ZIC5: variants seen among roughly 807,000 people sequenced by gnomAD.
ZIC5 encodes Zic family zinc finger 5, also known as zinc finger protein ZIC 5.
Under a neutral mutation model 28.5 loss-of-function variants are expected in ZIC5, and 20 were observed. That is an observed-to-expected ratio of 0.70 (90% confidence interval 0.49 to 1.02). The LOEUF is 1.02. Among genes scored for constraint, ZIC5 ranks in the 50% least tolerant of loss-of-function variants. The pLI, the probability that ZIC5 is intolerant of heterozygous loss-of-function variation, is 0.00. For missense variants in ZIC5, 951 were observed against 899.7 expected (o/e 1.06, Z -0.73); for synonymous variants, 488 against 410.4 (o/e 1.19, Z -2.29).
In ZIC5 at chr13:99,971,689, G is replaced by T; in HGVS notation, c.-86C>A. 2 of 1,552,150 alleles carry T rather than the reference G, an allele frequency of 1.3e-6. No homozygotes were observed. The highest frequency in any genetic ancestry group is 8.7e-7 in the Non-Finnish European group (1 of 1,147,408). ...CTTCAAAAACATGTATGTATTGGGC[G>T]CTCTTTAACTTCTTTTGTCCTGGCC... On this transcript the variant is annotated 5_prime_UTR_variant, in exon 1 of 2. Transcript: ENST00000267294.
In ZIC5 at chr13:99,965,614, G is replaced by A; in HGVS notation, c.1683C>T (p.Pro561=). The stretch of plus-strand genomic sequence containing the variant: ...GAGTCCCCACTGATGAGTAACCAAG[G>A]GGTCCTGGAGAAGGTGGCGGGGACT... ...HCKSPPPSPG[P]LGYSSVGTPV... The change falls in exon 2 of 2, where the codon CCC becomes CCT. Residue 561 remains proline (P), a synonymous_variant. Coordinates refer to ENST00000267294, the MANE Select transcript of ZIC5 (RefSeq NM_033132.5). 1.2e-6 allele frequency: 2 copies of A among 1,614,126 alleles called. No individual in the cohort carries two copies. Among genetic ancestry groups the A allele is most frequent in the Non-Finnish European group, 1.7e-6 (2 of 1,180,024 alleles).
chr13:99,968,151 C>A (rs2053114656), intron 1 of ZIC5, among the ~76,000 whole-genome samples: 1 of 152,206 alleles, frequency 6.6e-6, no homozygotes, highest in Non-Finnish European at 1.5e-5. Context: ...TCCCGGATAA[C>A]CCCCAAAAGG....
intron 1 of ZIC5, among the ~76,000 whole-genome samples, chr13:99,966,474 A>G (rs1010242855): frequency 1.3e-5 from 2 of 151,954 alleles, no homozygotes; most frequent in Admixed American, 1.3e-4. Flanking sequence ...TACTCCCACC[A>G]CTCGATTTTT....
Position 99,971,579 on chromosome 13 carries a change from T to C in ZIC5, c.25A>G (p.Asn9Asp). 1 of 1,553,888 alleles carries C rather than the reference T, an allele frequency of 6.4e-7. No individual in the cohort carries two copies. The highest frequency in any genetic ancestry group is 1.2e-5 in the South Asian group (1 of 84,248). MEPPLSKRNPPALRLADLA... is the reference protein window; with the variant it reads MEPPLSKRDPPALRLADLA... ...TCCGCTAATCTCAGCGCTGGCGGGT[T>C]CCTCTTGCTCAAAGGGGGCTCCATC... The change falls in exon 1 of 2, where the codon AAC becomes GAC. Residue 9 changes from asparagine to aspartate, a missense_variant. Transcript: ENST00000267294.
At chr13:99,969,778 C>T (rs868203127) in intron 1 of ZIC5, among the ~76,000 whole-genome samples, 54 of 152,264 alleles carry the variant, frequency 3.5e-4, no homozygotes, top group African/African-American at 1.2e-3. Flanking sequence ...CCGTCCTGGG[C>T]GCCTTCCTGC....
At chr13:99,969,661 G>T (rs2053130844) in intron 1 of ZIC5, among the ~76,000 whole-genome samples, 1 of 152,068 alleles carries the variant, frequency 6.6e-6, no homozygotes, top group Non-Finnish European at 1.5e-5. Flanking sequence ...CGGAGACTGC[G>T]CGGGGCCTAC....
rs1417708106 is a variant in ZIC5 at position 99,970,830 on chromosome 13, G to A, written c.774C>T (p.Arg258=). 61 of 1,232,566 alleles carry A rather than the reference G, an allele frequency of 4.9e-5. No individual in the cohort carries two copies. The highest frequency in any genetic ancestry group is 5.8e-5 in the Non-Finnish European group (58 of 993,222). 76.4% of individuals were successfully genotyped at this position (1,232,566 alleles called of 1,614,324 possible). A position where few individuals can be genotyped will look rare whatever the true frequency, so the allele number is the denominator to read the frequency against. ...GHPHPLNGQM[R]LGLAAAAAAA... ...CTGCCGCTGCCGCCGCCAGCCCCAG[G>A]CGCATCTGGCCGTTGAGCGGGTGCG... The change falls in exon 1 of 2, where the codon CGC becomes CGT. Residue 258 remains arginine (R), a synonymous_variant. Transcript: ENST00000267294.
At chr13:99,965,855 T>A in intron 1 of ZIC5, 36 bp from the exon 2 acceptor site, 1 of 1,575,310 alleles carries the variant, frequency 6.3e-7, no homozygotes, top group Non-Finnish European at 8.6e-7. Context: ...ACAATGGCTT[T>A]CCAAGACCCC....
rs2053086923 is a variant in ZIC5, at chr13:99,965,021, G to GTATATATATATATATATATATGTATATA, written c.*355_*356insTATATACATATATATATATATATATATA. 1 of 136,072 alleles carries GTATATATATATATATATATATGTATATA rather than the reference G, an allele frequency of 7.3e-6. No homozygotes were observed. Among genetic ancestry groups the GTATATATATATATATATATATGTATATA allele is most frequent in the African/African-American group, 2.7e-5 (1 of 36,644 alleles). 8.4% of individuals were successfully genotyped at this position (136,072 alleles called of 1,614,324 possible). The stretch of plus-strand genomic sequence containing the variant: ...TAAAAAAAATAATATATATATATAT[G>GTATATATATATATATATATATGTATATA]TATATATATATATATATATATATTG... On this transcript the variant is annotated 3_prime_UTR_variant, in exon 2 of 2. Transcript: ENST00000267294.
Position 99,971,521 on chromosome 13 carries a change from T to C in ZIC5, c.83A>G (p.Asn28Ser). The change falls in exon 1 of 2, where the codon AAT becomes AGT. Residue 28 changes from asparagine to serine, a missense_variant. This residue lies in a region of ZIC5 where 784 missense variants were observed against 660.1 expected (regional missense o/e 1.19). Transcript: ENST00000267294. ...LATAQVQPLQ[N>S]MTGFPALAGP... ...GGCCAGCGCCGGGAAGCCTGTCATATTCTGAAGCGGCTGGACCTGAGCCGT... is the reference window on the plus strand; with the variant it reads ...GGCCAGCGCCGGGAAGCCTGTCATACTCTGAAGCGGCTGGACCTGAGCCGT... The C allele has an allele frequency of 6.4e-7, 1 of 1,551,964 alleles. No homozygotes were observed. The highest frequency in any genetic ancestry group is 2.4e-5 in the East Asian group (1 of 40,986).
chr13:99,970,028 T>A, intron 1 of ZIC5, 99 bp downstream of exon 1: 5 of 1,553,200 alleles, frequency 3.2e-6, no homozygotes, highest in East Asian at 2.3e-5. Flanking sequence ...GAGAAAAAAA[T>A]TAAGGCGAGC....
rs2053071123 is a variant in ZIC5, at chr13:99,963,333, A to G, written c.*2044T>C. On this transcript the variant is annotated 3_prime_UTR_variant, in exon 2 of 2. Transcript: ENST00000267294. ...ACATAAATTATCCCCCCAAAAGTTCATACCTTTTCTATTTGAAAGGGCTTT... is the reference window on the plus strand; with the variant it reads ...ACATAAATTATCCCCCCAAAAGTTCGTACCTTTTCTATTTGAAAGGGCTTT... 6.6e-6 allele frequency: 1 copy of G among 152,630 alleles called. No individual in the cohort carries two copies. The highest frequency in any genetic ancestry group is 1.5e-5 in the Non-Finnish European group (1 of 68,026). 9.5% of individuals were successfully genotyped at this position (152,630 alleles called of 1,614,324 possible).
chr13:99,971,523 C>A lies in ZIC5; in HGVS notation c.81G>T (p.Gln27His), dbSNP rs2053160041. ...CCAGCGCCGGGAAGCCTGTCATATTCTGAAGCGGCTGGACCTGAGCCGTTG... is the reference window on the plus strand; with the variant it reads ...CCAGCGCCGGGAAGCCTGTCATATTATGAAGCGGCTGGACCTGAGCCGTTG... ...DLATAQVQPL[Q>H]NMTGFPALAG... is the part of the protein sequence containing the mutation. Residue 27 changes from glutamine to histidine, a missense_variant, in exon 1 of 2, where the codon CAG becomes CAT. By Grantham distance (24) the Gln-to-His change is conservative. Around this residue, in one of 3 missense-constraint regions of ZIC5, gnomAD observed 784 missense variants for 660.1 expected, o/e 1.19. Coordinates refer to ENST00000267294, the MANE Select transcript of ZIC5 (RefSeq NM_033132.5). 1.0e-5 allele frequency: 16 copies of A among 1,551,960 alleles called. No homozygotes were observed. Among genetic ancestry groups the A allele is most frequent in the Non-Finnish European group, 1.3e-5 (15 of 1,147,166 alleles).
In ZIC5 at chr13:99,970,832, G is replaced by C; in HGVS notation, c.772C>G (p.Arg258Gly). ...GCCGCTGCCGCCGCCAGCCCCAGGC[G>C]CATCTGGCCGTTGAGCGGGTGCGGG... ...GHPHPLNGQM[R>G]LGLAAAAAAA... The change falls in exon 1 of 2, where the codon CGC (arginine) becomes GGC (glycine). Residue 258 changes from arginine to glycine, a missense_variant. Coordinates refer to ENST00000267294, the MANE Select transcript of ZIC5 (RefSeq NM_033132.5). 3.2e-6 allele frequency: 4 copies of C among 1,234,320 alleles called. No homozygotes were observed. Among genetic ancestry groups the C allele is most frequent in the Non-Finnish European group, 4.0e-6 (4 of 993,956 alleles). The allele number at this position is 1,234,320 out of a possible 1,614,324, so 76.5% of individuals were successfully genotyped here.
In ZIC5 at chr13:99,970,411, G is replaced by A. The variant is rs760269746; in HGVS notation, c.1193C>T (p.Pro398Leu). Residue 398 changes from proline (P) to leucine (L), a missense_variant, in exon 1 of 2, where the codon CCG becomes CTG. Physicochemically the swap from Pro to Leu is moderately conservative, Grantham distance 98 (BLOSUM62 -3). This residue lies in a region of ZIC5 where 784 missense variants were observed against 660.1 expected (regional missense o/e 1.19). Coordinates refer to ENST00000267294, the MANE Select transcript of ZIC5 (RefSeq NM_033132.5). ...GGGCTTGGCGCCGCCGGCCGGGGGC[G>A]GTGGCGGCGGCGGCGGCGGCGGCGG... The part of the protein sequence containing the change: ...PPPPPPPPPP[P>L]PPAGGAKPCS... 2 of 1,176,540 alleles carry A rather than the reference G, an allele frequency of 1.7e-6. No individual in the cohort carries two copies. Among genetic ancestry groups the A allele is most frequent in the Non-Finnish European group, 2.1e-6 (2 of 958,858 alleles). 72.9% of individuals were successfully genotyped at this position (1,176,540 alleles called of 1,614,324 possible). A position where few individuals can be genotyped will look rare whatever the true frequency, so the allele number is the denominator to read the frequency against.
In ZIC5 at chr13:99,965,045, T is replaced by TA. The variant is rs1280947330; in HGVS notation, c.*331_*332insT. ...TGTATATATATATATATATATATAT[T>TA]GCATCGGCAGTGTGTATCGCCATTA... is the stretch of plus-strand genomic sequence containing the variant. On this transcript the variant is annotated 3_prime_UTR_variant, in exon 2 of 2. Coordinates refer to ENST00000267294, the MANE Select transcript of ZIC5 (RefSeq NM_033132.5). The TA allele has an allele frequency of 7.2e-6, 1 of 138,086 alleles. No individual in the cohort carries two copies. Among genetic ancestry groups the TA allele is most frequent in the African/African-American group, 2.9e-5 (1 of 34,018 alleles). The allele number at this position is 138,086 out of a possible 1,614,324, so 8.6% of individuals were successfully genotyped here. A position where few individuals can be genotyped will look rare whatever the true frequency, so the allele number is the denominator to read the frequency against.
rs1270981593 is a variant in ZIC5, at chr13:99,971,313, G to A, written c.291C>T (p.Ala97=). The part of the protein sequence containing the change: ...FPAHPEAPAA[A]ARAAALVAHP... ...GCGCGACCAAGGCTGCAGCACGGGC[G>A]GCGGCTGCCGGAGCCTCCGGGTGTG... is the stretch of plus-strand genomic sequence containing the variant. Residue 97 remains alanine, a synonymous_variant, in exon 1 of 2, where the codon GCC becomes GCT. Coordinates refer to ENST00000267294, the MANE Select transcript of ZIC5 (RefSeq NM_033132.5). The A allele has an allele frequency of 1.6e-5, 22 of 1,371,496 alleles. No homozygotes were observed. The South Asian group carries it at 3.1e-4, about 20-fold the overall frequency. The allele number at this position is 1,371,496 out of a possible 1,614,324, so 85.0% of individuals were successfully genotyped here.
chr13:99,969,930 C>T (rs553324735), intron 1 of ZIC5, among the ~76,000 whole-genome samples, 197 bp downstream of exon 1: 23 of 148,306 alleles, frequency 1.6e-4, no homozygotes, highest in African/African-American at 5.5e-4. Context: ...TATCGAATTA[C>T]TTATTCATAG....
rs1476103651 is a variant in ZIC5, at chr13:99,970,723, G to A, written c.881C>T (p.Ala294Val). The A allele has an allele frequency of 2.5e-6, 3 of 1,200,546 alleles. No homozygotes were observed. Among genetic ancestry groups the A allele is most frequent in the Non-Finnish European group, 3.1e-6 (3 of 964,302 alleles). The allele number at this position is 1,200,546 out of a possible 1,614,324, so 74.4% of individuals were successfully genotyped here. The change falls in exon 1 of 2, where the codon GCC becomes GTC. Residue 294 changes from alanine (A) to valine (V), a missense_variant. Physicochemically the swap from Ala to Val is moderately conservative, Grantham distance 64. Around this residue, in one of 3 missense-constraint regions of ZIC5, gnomAD observed 784 missense variants for 660.1 expected, o/e 1.19. Transcript: ENST00000267294. ...GCCGTGCAGGGCGGCCGCCGCTGCG[G>A]CCGCAACCGCCCCGTAGTGCGCGTC... ...SGDAHYGAVAAAAAAALHGYG... is the reference protein window; with the variant it reads ...SGDAHYGAVAVAAAAALHGYG...
Sources: gnomAD v4.1 joint callset for allele counts (sites outside exome capture counted in the v4.1 genomes callset) on GRCh38, gnomAD v4.1.1 for gene constraint, gnomAD v4.1.1 regional missense constraint, MANE v1.5 for transcripts, NCBI Gene and HGNC (gene_info 2026-07-23, HGNC 2026-07-21) for gene names.